Variants in NAPB observed in about 807,000 individuals in gnomAD.
NAPB encodes the protein beta-soluble NSF attachment protein.
Under a neutral mutation model 44.7 loss-of-function variants are expected in NAPB, and 26 were observed. The ratio of observed to expected loss-of-function variants is 0.58; its 90% confidence interval spans 0.43 to 0.81. The LOEUF (loss-of-function observed/expected upper bound fraction) is 0.81. Ranked by LOEUF, NAPB falls within the 30% of genes least tolerant of loss-of-function variation. NAPB has a pLI of 0.00. For synonymous variants in NAPB, 120 were observed against 116.8 expected, an observed-to-expected ratio of 1.03 and a Z score of -0.18; for missense variants, 315 against 356.4, an observed-to-expected ratio of 0.88 and a Z score of 0.94.
rs534494453 is a variant in NAPB, at chr20:23,376,443, A to T, written c.*933T>A. On this transcript the variant is annotated 3_prime_UTR_variant, in exon 11 of 11. Coordinates refer to ENST00000377026, the MANE Select transcript of NAPB (RefSeq NM_022080.3). ...TGTACAATAAACAGGAAAATTACATACATTCATTCTCAAGCTTGACTTAGA... is the reference window on the plus strand; with the variant it reads ...TGTACAATAAACAGGAAAATTACATTCATTCATTCTCAAGCTTGACTTAGA... 5.3e-5 allele frequency: 8 copies of T among 152,372 alleles called. No individual in the cohort carries two copies. The East Asian group carries it at 1.5e-3, about 29-fold the overall frequency. The allele number at this position is 152,372 out of a possible 1,614,324, so 9.4% of individuals were successfully genotyped here.
chr20:23,378,438 A>ATTAT (rs945735092), intron 10 of NAPB, among the ~76,000 whole-genome samples: 2 of 149,290 alleles, frequency 1.3e-5, no homozygotes, highest in African/African-American at 4.9e-5. Context: ...ATATATATTT[A>ATTAT]TTATTTATTT....
rs1256716958 is a variant in NAPB at position 23,407,202 on chromosome 20, GA to G, written c.99-4131del. Among the ~76,000 whole-genome samples the G allele has an allele frequency of 5.9e-5, 9 of 152,228 alleles. No homozygotes were observed. In the South Asian group the frequency reaches 1.7e-3, roughly 28 times the overall value. ...ACTGACCATAACTTTAAAACTTCCT[GA>G]AAAAAGGTACTTTTGAAATTACACC... On this transcript the variant is annotated intron_variant, in intron 1 of 10. Transcript: ENST00000377026.
intron 1 of NAPB, among the ~76,000 whole-genome samples, chr20:23,415,400 C>T (rs2123265442): frequency 6.6e-6 from 1 of 152,070 alleles, no homozygotes; most frequent in South Asian, 2.1e-4. Context: ...TCAAGACCAG[C>T]CTGGCCAACA....
chr20:23,386,022 G>C (rs1446010909), intron 7 of NAPB, among the ~76,000 whole-genome samples: 1 of 152,058 alleles, frequency 6.6e-6, no homozygotes, highest in Non-Finnish European at 1.5e-5. Context: ...AAAGATTACA[G>C]AAAAATCTCT....
At chr20:23,380,044 A>G in intron 8 of NAPB, 109 bp from the exon 9 acceptor site, 3 of 755,494 alleles carry the variant, frequency 4.0e-6, no homozygotes, top group Non-Finnish European at 6.4e-6. Flanking sequence ...AGTGTTGAAA[A>G]AGTATGTAGT....
intron 5 of NAPB, among the ~76,000 whole-genome samples, chr20:23,394,421 C>T (rs922022758): frequency 6.6e-6 from 1 of 152,152 alleles, no homozygotes; most frequent in Non-Finnish European, 1.5e-5. Flanking sequence ...ATCTGAGAAT[C>T]CAGTCCCAGA....
Position 23,394,918 on chromosome 20 carries a change from T to A in NAPB, c.420+4A>T. On this transcript the variant is annotated splice_donor_region_variant and intron_variant, in intron 5 of 10. Transcript: ENST00000377026. The stretch of plus-strand genomic sequence containing the variant: ...ACATCTGAGGAAGTGTGCCCACTGC[T>A]TACCTTCTCAATGTCTACAAGTTCA... 1 of 1,613,778 alleles carries A rather than the reference T, an allele frequency of 6.2e-7. No homozygotes were observed. The highest frequency in any genetic ancestry group is 8.5e-7 in the Non-Finnish European group (1 of 1,179,642).
chr20:23,384,230 C>T (rs1983281061), intron 7 of NAPB, among the ~76,000 whole-genome samples: 1 of 152,148 alleles, frequency 6.6e-6, no homozygotes, highest in South Asian at 2.1e-4. Context: ...AACTAATCCC[C>T]TGTAGACACT....
rs374364375 is a variant in NAPB at position 23,377,497 on chromosome 20, G to A, written c.787-11C>T. Reference sequence around the variant, plus strand: ...GTCAAATTCCTTCACCTAGTATAAGGAAAGAGGAACAGGAATTACCCCATG... The same window carrying A: ...GTCAAATTCCTTCACCTAGTATAAGAAAAGAGGAACAGGAATTACCCCATG... On this transcript the variant is annotated splice_polypyrimidine_tract_variant and intron_variant, in intron 10 of 10. Coordinates refer to ENST00000377026, the MANE Select transcript of NAPB (RefSeq NM_022080.3). The A allele has an allele frequency of 1.9e-6, 3 of 1,565,872 alleles. 1 individual carries two copies. In the South Asian group the frequency reaches 3.5e-5, roughly 18 times the overall value.
intron 9 of NAPB, 29 bp from the exon 10 acceptor site, chr20:23,379,524 A>C: frequency 6.5e-7 from 1 of 1,549,610 alleles, no homozygotes; most frequent in South Asian, 1.2e-5. Flanking sequence ...TTTAAAAAAC[A>C]GTTCTGTAAG....
intron 1 of NAPB, among the ~76,000 whole-genome samples, chr20:23,412,410 A>G (rs1460925996): frequency 6.6e-6 from 1 of 152,224 alleles, no homozygotes; most frequent in African/African-American, 2.4e-5. Flanking sequence ...GCAATGAAAC[A>G]AAGTAGAATT....
intron 7 of NAPB, among the ~76,000 whole-genome samples, chr20:23,385,146 T>TA (rs1983389040): frequency 6.6e-6 from 1 of 150,734 alleles, no homozygotes; most frequent in Non-Finnish European, 1.5e-5. Flanking sequence ...AAAAACAAGA[T>TA]CCAACTACAA....
intron 7 of NAPB, among the ~76,000 whole-genome samples, chr20:23,388,564 T>C (rs1057083900): frequency 6.6e-6 from 1 of 152,098 alleles, no homozygotes; most frequent in African/African-American, 2.4e-5. Flanking sequence ...GATGGATAAA[T>C]AGATCAATGG....
At chr20:23,380,159 G>A (rs1270062254) in intron 8 of NAPB, among the ~76,000 whole-genome samples, 1 of 152,252 alleles carries the variant, frequency 6.6e-6, no homozygotes, top group African/African-American at 2.4e-5. Context: ...GGCTGCTGCT[G>A]AGAAGACATT....
intron 1 of NAPB, among the ~76,000 whole-genome samples, chr20:23,420,198 C>A (rs1194201525): frequency 4.6e-5 from 7 of 152,122 alleles, no homozygotes; most frequent in Non-Finnish European, 1.0e-4. Flanking sequence ...TCAGTGCGGG[C>A]TCTGCTTTTT....
chr20:23,378,409 C>T (rs911066087), intron 10 of NAPB, among the ~76,000 whole-genome samples: 1 of 148,978 alleles, frequency 6.7e-6, no homozygotes, highest in Non-Finnish European at 1.5e-5. Context: ...AGAAAAAAAC[C>T]CTCATATTTT....
chr20:23,418,901 C>G (rs1472224469), intron 1 of NAPB, among the ~76,000 whole-genome samples: 1 of 152,046 alleles, frequency 6.6e-6, no homozygotes, highest in Non-Finnish European at 1.5e-5. Context: ...TAGTTGACAT[C>G]CCGCCACTGC....
At chr20:23,407,722 C>A (rs747156573) in intron 1 of NAPB, among the ~76,000 whole-genome samples, 1 of 149,666 alleles carries the variant, frequency 6.7e-6, no homozygotes. Context: ...TCAAGCTTCA[C>A]GGCCAGAAGG....
At position 23,420,809 on chromosome 20, in the gene NAPB, G is replaced by GCCC. The variant is rs66487020; in HGVS notation, c.98+493_98+495dup. On this transcript the variant is annotated intron_variant, in intron 1 of 10. Coordinates refer to ENST00000377026, the MANE Select transcript of NAPB (RefSeq NM_022080.3). Reference sequence around the variant, plus strand: ...CTCCAGAGGGCGCGTGAGGCTGACAGCCCCCCCCCCAGAGTGTTCTAGGGG... The same window carrying GCCC: ...CTCCAGAGGGCGCGTGAGGCTGACAGCCCCCCCCCCCCCAGAGTGTTCTAGGGG... Among the ~76,000 whole-genome samples the GCCC allele has an allele frequency of 3.5e-3, 525 of 148,754 alleles. 4 individuals carry two copies. Among genetic ancestry groups the GCCC allele is most frequent in the African/African-American group, 0.012 (486 of 40,274 alleles).
Sources: allele counts gnomAD v4.1 joint callset (sites outside exome capture counted in the v4.1 genomes callset), GRCh38; gene constraint gnomAD v4.1.1; transcripts MANE v1.5; gene names NCBI Gene and HGNC (gene_info 2026-07-23, HGNC 2026-07-21).